USP25: variants seen among roughly 807,000 people sequenced by gnomAD.
The protein encoded by USP25 is ubiquitin carboxyl-terminal hydrolase 25.
In USP25, 85 loss-of-function variants were observed where a neutral mutation model predicts 158.5. That is an observed-to-expected ratio of 0.54 (90% CI 0.45 to 0.64). USP25 has a LOEUF of 0.64. USP25 is among the 30% of genes least tolerant of loss of function. The pLI is 0.00. For missense variants in USP25, 1,242 were observed against 1,327.3 expected (o/e 0.94, Z 1.00); for synonymous variants, 464 against 460.4 (o/e 1.01, Z -0.10).
At chr21:15,792,948 A>G (rs1457052581) in intron 5 of USP25, among the ~76,000 whole-genome samples, 1 of 151,716 alleles carries the variant, frequency 6.6e-6, no homozygotes, top group Non-Finnish European at 1.5e-5. Context: ...TTACATGCCA[A>G]AAAGCAATAT....
At chr21:15,865,717 TATAACTAGTTAATCTGTTTTG>T (rs368436109) in intron 21 of USP25, among the ~76,000 whole-genome samples, 9 of 152,022 alleles carry the variant, frequency 5.9e-5, no homozygotes, top group African/African-American at 1.9e-4. Flanking sequence ...GTTCTCTGAC[TATAACTAGTTAATCTGTTTTG>T]ATAACCTGAC....
At position 15,878,489 on chromosome 21, in the gene USP25, C is replaced by T; in HGVS notation, c.*14C>T. On this transcript the variant is annotated 3_prime_UTR_variant, in exon 26 of 26. Coordinates refer to ENST00000400183, the MANE Select transcript of USP25 (RefSeq NM_001283041.3). ...GATGGAAGATAAACTGCACACTTTC[C>T]CTGAACACACTGTATAAACTCTTTT... The T allele has an allele frequency of 6.2e-7, 1 of 1,613,456 alleles. No homozygotes were observed. The highest frequency in any genetic ancestry group is 8.5e-7 in the Non-Finnish European group (1 of 1,179,590).
At position 15,831,608 on chromosome 21, in the gene USP25, A is replaced by G. The variant is rs1308782043; in HGVS notation, c.1972A>G (p.Lys658Glu). The G allele has an allele frequency of 1.2e-6, 2 of 1,613,668 alleles. No homozygotes were observed. The highest frequency in any genetic ancestry group is 1.7e-6 in the Non-Finnish European group (2 of 1,179,708). Residue 658 changes from lysine (K) to glutamate (E), a missense_variant, in exon 16 of 26, where the codon AAG becomes GAG. Physicochemically the swap from Lys to Glu is moderately conservative, Grantham distance 56. This residue lies in a region of USP25 where 608 missense variants were observed against 605.2 expected (regional missense o/e 1.00). Transcript: ENST00000400183. Reference protein sequence around the residue: ...SAYCLMYINDKAQFLIQEEFN... With the variant: ...SAYCLMYINDEAQFLIQEEFN... ...ATACTGTTTAATGTACATAAATGATAAGGCACAGTTCCTAATACAAGGTAA... is the reference window on the plus strand; with the variant it reads ...ATACTGTTTAATGTACATAAATGATGAGGCACAGTTCCTAATACAAGGTAA...
At chr21:15,837,556 G>A (rs1477812974) in intron 17 of USP25, among the ~76,000 whole-genome samples, 5 of 152,210 alleles carry the variant, frequency 3.3e-5, no homozygotes, top group African/African-American at 4.8e-5. Context: ...ATAATTCTGA[G>A]GTTAAGCAGC....
rs951427363 is a variant in USP25 at position 15,811,772 on chromosome 21, G to A, written c.931+562G>A. 4.6e-5 allele frequency among the ~76,000 whole-genome samples: 7 copies of A among 152,140 alleles called. 1 individual carries two copies. The highest frequency in any genetic ancestry group is 3.9e-4 in the Admixed American group (6 of 15,282). ...ATTTGGCCTAAGTAGTTTCTGTTTGGGTTCCCTAACAAGGGAGGAGACTCT... is the reference window on the plus strand; with the variant it reads ...ATTTGGCCTAAGTAGTTTCTGTTTGAGTTCCCTAACAAGGGAGGAGACTCT... On this transcript the variant is annotated intron_variant, in intron 9 of 25. Transcript: ENST00000400183.
chr21:15,839,363 A>T (rs1321282468), intron 17 of USP25, among the ~76,000 whole-genome samples: 1 of 152,174 alleles, frequency 6.6e-6, no homozygotes, highest in Non-Finnish European at 1.5e-5. Flanking sequence ...CAATTGTATT[A>T]TATGGTAAAA....
At chr21:15,821,031 T>C (rs1179540000) in intron 10 of USP25, among the ~76,000 whole-genome samples, 1 of 152,042 alleles carries the variant, frequency 6.6e-6, no homozygotes, top group Admixed American at 6.5e-5. Context: ...AATTTGTAGA[T>C]GAGTCAGACT....
chr21:15,838,879 G>A (rs541533023), intron 17 of USP25, among the ~76,000 whole-genome samples: 2 of 152,204 alleles, frequency 1.3e-5, no homozygotes, highest in South Asian at 2.1e-4. Flanking sequence ...ATATGCATAA[G>A]TAAAGCACCC....
At chr21:15,738,407 T>A (rs1456642331) in intron 1 of USP25, among the ~76,000 whole-genome samples, 1 of 152,224 alleles carries the variant, frequency 6.6e-6, no homozygotes, top group African/African-American at 2.4e-5. Context: ...TGATACAGGA[T>A]GAGCAGGATA....
chr21:15,750,098 G>A (rs1405349968), intron 1 of USP25, among the ~76,000 whole-genome samples: 1 of 151,996 alleles, frequency 6.6e-6, no homozygotes, highest in South Asian at 2.1e-4. Flanking sequence ...CAGCATCCGG[G>A]GAGGGAAGAG....
At chr21:15,778,137 C>T (rs2034765681) in intron 4 of USP25, 110 bp downstream of exon 4, 3 of 998,660 alleles carry the variant, frequency 3.0e-6, no homozygotes, top group Middle Eastern at 2.5e-4. Flanking sequence ...TTACTCTAAA[C>T]TAGTAATATG....
At chr21:15,757,060 C>A (rs984440682) in intron 1 of USP25, among the ~76,000 whole-genome samples, 1 of 152,030 alleles carries the variant, frequency 6.6e-6, no homozygotes, top group Non-Finnish European at 1.5e-5. Context: ...TGGGAAGGTA[C>A]AAACCTTGAA....
At chr21:15,790,101 CA>C (rs768026855) in intron 4 of USP25, among the ~76,000 whole-genome samples, 1 of 151,876 alleles carries the variant, frequency 6.6e-6, no homozygotes, top group Non-Finnish European at 1.5e-5. Flanking sequence ...TTTCTGGTAA[CA>C]GTAGAATGTT....
intron 20 of USP25, 124 bp downstream of exon 20, chr21:15,849,996 C>T (rs1032128987): frequency 4.6e-6 from 3 of 648,728 alleles, no homozygotes; most frequent in Admixed American, 6.9e-5. Context: ...TTAGTTATGG[C>T]CACCGGATAT....
At chr21:15,735,866 A>G (rs1324697424) in intron 1 of USP25, among the ~76,000 whole-genome samples, 2 of 152,034 alleles carry the variant, frequency 1.3e-5, no homozygotes, top group African/African-American at 2.4e-5. Context: ...TAAATTTTCT[A>G]TCTTTTCTAG....
intron 2 of USP25, 93 bp downstream of exon 2, chr21:15,763,061 C>A: frequency 8.7e-7 from 1 of 1,154,278 alleles, no homozygotes; most frequent in Admixed American, 2.6e-5. Flanking sequence ...TTGGGGTATA[C>A]CATGTGGTAG....
intron 1 of USP25, among the ~76,000 whole-genome samples, chr21:15,730,707 AC>A (rs2030735643): frequency 6.6e-6 from 1 of 152,226 alleles, no homozygotes; most frequent in Admixed American, 6.5e-5. Context: ...AGCGACCCTC[AC>A]ATTCCTACAG....
intron 1 of USP25, among the ~76,000 whole-genome samples, chr21:15,742,861 G>T (rs1028751222): frequency 6.6e-6 from 1 of 152,286 alleles, no homozygotes; most frequent in African/African-American, 2.4e-5. Context: ...CAGATCCCAC[G>T]ACCACTGCCA....
chr21:15,735,916 A>G (rs1206018428), intron 1 of USP25, among the ~76,000 whole-genome samples: 1 of 151,512 alleles, frequency 6.6e-6, no homozygotes, highest in Non-Finnish European at 1.5e-5. Context: ...AAAATTCTAA[A>G]TTTCATTTAG....
Sources: gnomAD v4.1 joint callset for allele counts (sites outside exome capture counted in the v4.1 genomes callset) on GRCh38, gnomAD v4.1.1 for gene constraint, gnomAD v4.1.1 regional missense constraint, MANE v1.5 for transcripts, NCBI Gene and HGNC (gene_info 2026-07-23, HGNC 2026-07-21) for gene names.